CHODL: variants seen among roughly 807,000 people sequenced by gnomAD.
The protein encoded by CHODL is transmembrane protein MT75.
In CHODL, 29 loss-of-function variants were observed where a neutral mutation model predicts 34.5. The ratio of observed to expected loss-of-function variants is 0.84; its 90% CI spans 0.63 to 1.15. The LOEUF (loss-of-function observed/expected upper bound fraction) is 1.15, where lower values mean the gene tolerates loss of function less well. Among genes scored for constraint, CHODL ranks in the 50% most tolerant of loss-of-function variants. The probability of loss-of-function intolerance (pLI) is 0.00; values close to 1 mark genes in which losing one functional copy is unlikely to be tolerated. For missense variants in CHODL, 332 were observed against 332.5 expected, an observed-to-expected ratio of 1.00 and a Z score of 0.01; for synonymous variants, 125 against 116.1, an observed-to-expected ratio of 1.08 and a Z score of -0.49.
intron 1 of CHODL, among the ~76,000 whole-genome samples, chr21:17,917,729 G>A (rs2063151140): frequency 6.6e-6 from 1 of 152,168 alleles, no homozygotes; most frequent in Non-Finnish European, 1.5e-5. Flanking sequence ...CCATTGATGT[G>A]GTTCACAAAT....
intron 1 of CHODL, among the ~76,000 whole-genome samples, 182 bp from the exon 2 acceptor site, chr21:18,256,327 A>G (rs1011726041): frequency 2.6e-5 from 4 of 152,196 alleles, no homozygotes; most frequent in African/African-American, 9.6e-5. Context: ...ACGAGGGAAT[A>G]AATTTGCTTT....
intron 2 of CHODL, among the ~76,000 whole-genome samples, chr21:18,112,970 G>A (rs929628761): frequency 1.3e-5 from 2 of 152,122 alleles, no homozygotes; most frequent in East Asian, 3.9e-4. Flanking sequence ...TCAACAAAGT[G>A]AAGAGACAAC....
intron 2 of CHODL, among the ~76,000 whole-genome samples, chr21:18,089,805 C>T (rs565497322): frequency 6.6e-6 from 1 of 152,252 alleles, no homozygotes; most frequent in South Asian, 2.1e-4. Flanking sequence ...TATTTCAACA[C>T]ACTTATTGCA....
chr21:18,139,785 A>C (rs2072779844), intron 2 of CHODL, among the ~76,000 whole-genome samples: 1 of 152,214 alleles, frequency 6.6e-6, no homozygotes, highest in Non-Finnish European at 1.5e-5. Flanking sequence ...TGTACTATGT[A>C]GTCTTTTCTG....
At chr21:18,045,853 C>T (rs1353671699) in intron 2 of CHODL, among the ~76,000 whole-genome samples, 2 of 151,922 alleles carry the variant, frequency 1.3e-5, no homozygotes, top group Non-Finnish European at 2.9e-5. Context: ...CATTTGTCTC[C>T]TCCAGCGGAT....
intron 1 of CHODL, among the ~76,000 whole-genome samples, chr21:17,938,493 TAAGGAAA>T (rs2063335904): frequency 5.6e-5 from 3 of 54,002 alleles, no homozygotes; most frequent in Non-Finnish European, 6.2e-5. Context: ...TTTTTTTTTT[TAAGGAAA>T]GGGAGTCTCG....
At chr21:17,966,927 C>G (rs1322541172) in intron 1 of CHODL, among the ~76,000 whole-genome samples, 2 of 151,484 alleles carry the variant, frequency 1.3e-5, no homozygotes, top group Non-Finnish European at 2.9e-5. Flanking sequence ...GCTCTGTTGC[C>G]CAGGTTGGAG....
chr21:18,072,758 T>C (rs982280125), intron 2 of CHODL, among the ~76,000 whole-genome samples: 1 of 152,102 alleles, frequency 6.6e-6, no homozygotes, highest in Non-Finnish European at 1.5e-5. Flanking sequence ...CAGATGGATC[T>C]CCAATTGCTG....
At chr21:18,186,690 G>C (rs2073445034) in intron 2 of CHODL, among the ~76,000 whole-genome samples, 1 of 152,126 alleles carries the variant, frequency 6.6e-6, no homozygotes, top group Non-Finnish European at 1.5e-5. Context: ...AACATTGAAA[G>C]CATTCGATTT....
chr21:18,244,220 C>T (rs1445983060), upstream of CHODL, among the ~76,000 whole-genome samples: 1 of 152,196 alleles, frequency 6.6e-6, no homozygotes, highest in African/African-American at 2.4e-5. Context: ...TTCAGAATGC[C>T]TACTTTGTGT....
At chr21:18,119,284 C>T (rs1189163445) in intron 2 of CHODL, among the ~76,000 whole-genome samples, 3 of 151,714 alleles carry the variant, frequency 2.0e-5, no homozygotes, top group African/African-American at 7.3e-5. Flanking sequence ...TTCCAGATCC[C>T]AAAGTCAGGC....
chr21:18,035,022 G>A (rs1174065315), intron 2 of CHODL, among the ~76,000 whole-genome samples: 1 of 152,022 alleles, frequency 6.6e-6, no homozygotes, highest in African/African-American at 2.4e-5. Flanking sequence ...AAGATGGATT[G>A]CAGAGAACCT....
intron 2 of CHODL, among the ~76,000 whole-genome samples, chr21:18,115,790 G>A (rs1346294654): frequency 1.3e-5 from 2 of 152,010 alleles, no homozygotes; most frequent in African/African-American, 2.4e-5. Flanking sequence ...CTTATCCTGC[G>A]GATTTCTCAA....
upstream of CHODL, among the ~76,000 whole-genome samples, chr21:18,241,200 T>G (rs778661329): frequency 2.6e-5 from 4 of 152,066 alleles, no homozygotes; most frequent in South Asian, 2.1e-4. Context: ...AGGGAAAACC[T>G]TGGATTCAAT....
intron 2 of CHODL, among the ~76,000 whole-genome samples, chr21:18,113,602 A>G (rs1203863045): frequency 2.0e-5 from 3 of 152,148 alleles, no homozygotes; most frequent in Non-Finnish European, 4.4e-5. Flanking sequence ...ACTGCTATAC[A>G]CACTTTTAAA....
At position 17,957,561 on chromosome 21, in the gene CHODL, C is replaced by T. The variant is rs1333650133; in HGVS notation, c.-145+40161C>T. Among the ~76,000 whole-genome samples the T allele has an allele frequency of 2.0e-5, 3 of 152,182 alleles. No individual in the cohort carries two copies. The East Asian group carries it at 5.8e-4, about 29-fold the overall frequency. ...ACCATGAATAGTGGAAATTGGAGGT[C>T]TTTTTGTACCTTTTTTATATAAGCC... On this transcript the variant is annotated intron_variant, in intron 1 of 6. Transcript: ENST00000400127.
At chr21:18,073,258 G>T (rs932951529) in intron 2 of CHODL, among the ~76,000 whole-genome samples, 7 of 152,194 alleles carry the variant, frequency 4.6e-5, no homozygotes, top group Admixed American at 2.6e-4. Flanking sequence ...TTAAATTAAG[G>T]TGAAAATCTG....
chr21:18,093,234 A>C (rs1028532505), intron 2 of CHODL, among the ~76,000 whole-genome samples: 1 of 152,188 alleles, frequency 6.6e-6, no homozygotes, highest in African/African-American at 2.4e-5. Context: ...ATAATGTATT[A>C]AGTGAAATAT....
chr21:18,001,972 T>C (rs534902261), intron 1 of CHODL, among the ~76,000 whole-genome samples: 4 of 152,314 alleles, frequency 2.6e-5, no homozygotes, highest in Admixed American at 2.6e-4. Context: ...ATCTGAATAA[T>C]TAAAGTTTAG....
Sources: gnomAD v4.1 joint callset for allele counts (sites outside exome capture counted in the v4.1 genomes callset) on GRCh38, gnomAD v4.1.1 for gene constraint, MANE v1.5 for transcripts, NCBI Gene and HGNC (gene_info 2026-07-23, HGNC 2026-07-21) for gene names.